Variants in PALM2AKAP2 observed in about 807,000 individuals in gnomAD.
PALM2AKAP2 encodes the protein PALM2-AKAP2 fusion protein.
Under a neutral mutation model 71.5 loss-of-function variants are expected in PALM2AKAP2, and 37 were observed. That is an observed-to-expected ratio of 0.52 (90% CI 0.40 to 0.68). PALM2AKAP2 has a LOEUF of 0.68. PALM2AKAP2 is among the 30% of genes least tolerant of loss of function. The probability of loss-of-function intolerance (pLI) is 0.00; values close to 1 mark genes in which losing one functional copy is unlikely to be tolerated. For synonymous variants in PALM2AKAP2, 468 were observed against 478.8 expected, an observed-to-expected ratio of 0.98 and a Z score of 0.29; for missense variants, 1,224 against 1,191.8, an observed-to-expected ratio of 1.03 and a Z score of -0.40.
At chr9:109,710,914 T>G (rs1828224675) in intron 1 of PALM2AKAP2, among the ~76,000 whole-genome samples, 1 of 152,160 alleles carries the variant, frequency 6.6e-6, no homozygotes, top group South Asian at 2.1e-4. Flanking sequence ...AAGCAGGAGC[T>G]ACAGTTTATA....
intron 1 of PALM2AKAP2, among the ~76,000 whole-genome samples, chr9:109,734,887 T>C (rs1158851878): frequency 6.6e-6 from 1 of 151,724 alleles, no homozygotes; most frequent in Non-Finnish European, 1.5e-5. Context: ...CCTGGAGAAA[T>C]AGATTGAAAC....
intron 1 of PALM2AKAP2, among the ~76,000 whole-genome samples, chr9:109,796,374 A>G (rs890085865): frequency 1.1e-4 from 17 of 152,240 alleles, no homozygotes; most frequent in African/African-American, 4.1e-4. Flanking sequence ...TAAAGATAAC[A>G]TGCTTTTTTA....
In PALM2AKAP2 at chr9:110,124,091, A is replaced by G. The variant is rs1427275938; in HGVS notation, c.157-12036A>G. On this transcript the variant is annotated intron_variant, in intron 1 of 3. Coordinates refer to ENST00000374525, the Ensembl canonical transcript of PALM2AKAP2. ...AATAAATTTGGAAAATGTTTTTAGC[A>G]TATGGAAAATGTTGTTTAGATGCTG... Among the ~76,000 whole-genome samples, 3 of 152,234 alleles carry G rather than the reference A, an allele frequency of 2.0e-5. No individual in the cohort carries two copies. The East Asian group carries it at 5.8e-4, about 29-fold the overall frequency.
intron 6 of PALM2AKAP2, among the ~76,000 whole-genome samples, chr9:109,987,192 A>G (rs1297132394): frequency 6.6e-6 from 1 of 151,936 alleles, no homozygotes; most frequent in African/African-American, 2.4e-5. Flanking sequence ...GTACATTGGC[A>G]TGGTCTCAGC....
At chr9:110,020,321 T>C (rs1833051610) in intron 7 of PALM2AKAP2, among the ~76,000 whole-genome samples, 1 of 152,198 alleles carries the variant, frequency 6.6e-6, no homozygotes, top group African/African-American at 2.4e-5. Context: ...TCCCTTGCCA[T>C]GATTGTAAGT....
At chr9:109,696,736 C>T (rs1450173325) in intron 1 of PALM2AKAP2, among the ~76,000 whole-genome samples, 1 of 152,150 alleles carries the variant, frequency 6.6e-6, no homozygotes, top group African/African-American at 2.4e-5. Context: ...TCTCCCGCCA[C>T]TGTGAGTGTT....
At chr9:110,113,808 C>T (rs1395548387) in intron 1 of PALM2AKAP2, among the ~76,000 whole-genome samples, 1 of 152,176 alleles carries the variant, frequency 6.6e-6, no homozygotes, top group Non-Finnish European at 1.5e-5. Flanking sequence ...GCTGGGATTA[C>T]AGACGTGAGC....
At chr9:110,156,816 G>A (rs1240963281) in intron 3 of PALM2AKAP2, among the ~76,000 whole-genome samples, 2 of 152,178 alleles carry the variant, frequency 1.3e-5, no homozygotes, top group Admixed American at 6.5e-5. Context: ...AAGGTTGCAA[G>A]TGCCCTGAAA....
intron 1 of PALM2AKAP2, among the ~76,000 whole-genome samples, chr9:109,771,567 T>C (rs767846076): frequency 3.3e-5 from 5 of 152,210 alleles, no homozygotes; most frequent in African/African-American, 4.8e-5. Flanking sequence ...AGTTTCATAA[T>C]GATGGACAGA....
At chr9:109,790,476 C>T (rs964836257) in intron 1 of PALM2AKAP2, among the ~76,000 whole-genome samples, 2 of 152,048 alleles carry the variant, frequency 1.3e-5, no homozygotes, top group Admixed American at 1.3e-4. Flanking sequence ...AAACTTAACC[C>T]CTTTGGTGGC....
intron 7 of PALM2AKAP2, among the ~76,000 whole-genome samples, chr9:110,030,177 C>T (rs1222558821): frequency 1.3e-5 from 2 of 152,012 alleles, no homozygotes; most frequent in African/African-American, 2.4e-5. Flanking sequence ...TTAGAGGAAA[C>T]GGAGATAGGA....
At chr9:110,065,806 T>C (rs1273566388) in intron 1 of PALM2AKAP2, among the ~76,000 whole-genome samples, 1 of 152,238 alleles carries the variant, frequency 6.6e-6, no homozygotes, top group Non-Finnish European at 1.5e-5. Context: ...AAATCACGTA[T>C]TTGTCTTTCT....
chr9:109,988,877 T>C (rs1832424979), intron 6 of PALM2AKAP2, among the ~76,000 whole-genome samples: 1 of 152,146 alleles, frequency 6.6e-6, no homozygotes, highest in Non-Finnish European at 1.5e-5. Context: ...GGGGGTGGTT[T>C]CCCCCACTGT....
At position 109,876,953 on chromosome 9, in the gene PALM2AKAP2, A is replaced by T. The variant is rs143836041; in HGVS notation, c.127-3598A>T. Among the ~76,000 whole-genome samples, 662 of 152,224 alleles carry T rather than the reference A, an allele frequency of 4.3e-3. 2 individuals carry two copies. The highest frequency in any genetic ancestry group is 0.015 in the African/African-American group (608 of 41,508). On this transcript the variant is annotated intron_variant, in intron 2 of 9. Coordinates refer to the PALM2AKAP2 transcript ENST00000302798. ...GAGCTACCTGCTGATGGTGGCAGCTAAGTTGGTGAGAAGTGAGGGGCTAGA... is the reference window on the plus strand; with the variant it reads ...GAGCTACCTGCTGATGGTGGCAGCTTAGTTGGTGAGAAGTGAGGGGCTAGA...
At chr9:109,792,815 C>T (rs1827153554) in intron 1 of PALM2AKAP2, among the ~76,000 whole-genome samples, 1 of 152,092 alleles carries the variant, frequency 6.6e-6, no homozygotes, top group Non-Finnish European at 1.5e-5. Flanking sequence ...CATTTAGCAA[C>T]TAAATGTATA....
chr9:110,150,926 A>T (rs1019267647), intron 2 of PALM2AKAP2, among the ~76,000 whole-genome samples: 15 of 152,228 alleles, frequency 9.9e-5, no homozygotes, highest in African/African-American at 3.6e-4. Context: ...AGAGTCTAAA[A>T]CATCATTTAT....
chr9:109,954,546 A>G (rs2132091792), intron 6 of PALM2AKAP2, among the ~76,000 whole-genome samples: 1 of 150,580 alleles, frequency 6.6e-6, no homozygotes, highest in Non-Finnish European at 1.5e-5. Context: ...ATTGGGAGAT[A>G]TACCTAATGC....
At chr9:109,760,839 GT>G (rs986255499) in intron 1 of PALM2AKAP2, among the ~76,000 whole-genome samples, 2 of 152,122 alleles carry the variant, frequency 1.3e-5, no homozygotes, top group Admixed American at 6.5e-5. Flanking sequence ...CTCCCTGGGA[GT>G]TTTTTTCAAC....
intron 6 of PALM2AKAP2, among the ~76,000 whole-genome samples, chr9:109,996,040 G>C (rs1451867589): frequency 6.6e-6 from 1 of 152,132 alleles, no homozygotes; most frequent in Non-Finnish European, 1.5e-5. Context: ...CCACCAGATG[G>C]GTAGCTGACC....
Sources: gnomAD v4.1 joint callset for allele counts (sites outside exome capture counted in the v4.1 genomes callset) on GRCh38, gnomAD v4.1.1 for gene constraint, MANE v1.5 for transcripts, NCBI Gene and HGNC (gene_info 2026-07-23, HGNC 2026-07-21) for gene names.